Variants in ZNF442 observed in about 807,000 individuals in gnomAD.
ZNF442 encodes zinc finger protein 442.
A neutral mutation model predicts 57.0 loss-of-function variants in ZNF442; 45 were observed. The ratio of observed to expected loss-of-function variants is 0.79; its 90% CI spans 0.62 to 1.01. The LOEUF is 1.01. ZNF442 is among the 50% of genes least tolerant of loss of function. The pLI is 0.00. For synonymous variants in ZNF442, 213 were observed against 241.8 expected (o/e 0.88, Z 1.10); for missense variants, 690 against 756.5 (o/e 0.91, Z 1.03).
intron 4 of ZNF442, 82 bp from the exon 5 acceptor site, chr19:12,352,152 A>G (rs1969250265): frequency 7.5e-7 from 1 of 1,327,728 alleles, no homozygotes; most frequent in Non-Finnish European, 1.1e-6. Context: ...CAATGGAATC[A>G]TGCATGATTC....
intron 3 of ZNF442, among the ~76,000 whole-genome samples, chr19:12,355,603 C>T (rs1412307601): frequency 6.6e-6 from 1 of 150,762 alleles, no homozygotes; most frequent in Non-Finnish European, 1.5e-5. Flanking sequence ...TCGTGATCTG[C>T]CCGCCTCAGC....
upstream of ZNF442, among the ~76,000 whole-genome samples, chr19:12,369,892 T>G (rs1009653360): frequency 6.6e-6 from 1 of 151,126 alleles, no homozygotes; most frequent in African/African-American, 2.4e-5. Flanking sequence ...GCGACAAAGC[T>G]AGACTCCATC....
rs1204506438 is a variant in ZNF442 at position 12,346,310 on chromosome 19, A to C, written c.*3391T>G. ...ATTTTAAAACAAACTGGTTCAAAAA[A>C]TATATAAACAACCAACAAAAACAAA... On this transcript the variant is annotated 3_prime_UTR_variant, in exon 6 of 6. Transcript: ENST00000242804. 6.6e-6 allele frequency: 1 copy of C among 152,232 alleles called. No individual in the cohort carries two copies. The highest frequency in any genetic ancestry group is 1.5e-5 in the Non-Finnish European group (1 of 68,042). The allele number at this position is 152,232 out of a possible 1,614,324, so 9.4% of individuals were successfully genotyped here.
chr19:12,355,290 CAAA>C (rs1243882800), intron 3 of ZNF442, among the ~76,000 whole-genome samples: 5 of 55,666 alleles, frequency 9.0e-5, no homozygotes, highest in Admixed American at 2.1e-4. Context: ...GACTCCATCT[CAAA>C]AAAAAAAAAA....
intron 3 of ZNF442, among the ~76,000 whole-genome samples, chr19:12,356,163 T>A (rs1381255243): frequency 6.6e-6 from 1 of 151,306 alleles, no homozygotes; most frequent in Non-Finnish European, 1.5e-5. Context: ...GGGGCTGCAG[T>A]GAGCTGTGAT....
At position 12,350,801 on chromosome 19, in the gene ZNF442, C is replaced by T. The variant is rs1969217987; in HGVS notation, c.784G>A (p.Glu262Lys). ...CAGTGCTTGCATTCATATGGTTTCT[C>T]CCCAGTGTGTGTTCTTTCATGTCTT... ...YLRHERTHTG[E>K]KPYECKHCSK... The change falls in exon 6 of 6, where the codon GAG becomes AAG. Residue 262 changes from glutamate to lysine, a missense_variant. Transcript: ENST00000242804. 6.2e-7 allele frequency: 1 copy of T among 1,614,040 alleles called. No homozygotes were observed.
intron 3 of ZNF442, among the ~76,000 whole-genome samples, chr19:12,358,094 T>C (rs1022515368): frequency 6.6e-6 from 1 of 152,026 alleles, no homozygotes; most frequent in Admixed American, 6.6e-5. Context: ...CCCAAGTAGC[T>C]GGGATTACAG....
At chr19:12,362,454 G>A (rs907437263) in intron 3 of ZNF442, among the ~76,000 whole-genome samples, 7 of 146,362 alleles carry the variant, frequency 4.8e-5, no homozygotes, top group African/African-American at 1.8e-4. Flanking sequence ...CGGCCGCCCC[G>A]TCTGTGAAGT....
the ZNF442 span, among the ~76,000 whole-genome samples, chr19:12,373,433 T>C: frequency 6.6e-6 from 1 of 152,074 alleles, no homozygotes; most frequent in Non-Finnish European, 1.5e-5. Flanking sequence ...TCCCAGCTAC[T>C]TGGGAGGCTG....
intron 3 of ZNF442, among the ~76,000 whole-genome samples, chr19:12,355,308 A>G (rs1969309817): frequency 6.7e-6 from 1 of 149,988 alleles, no homozygotes. Flanking sequence ...AAAAAAAAAG[A>G]AAGACAAAAC....
chr19:12,365,764 G>GC (rs398033947), upstream of ZNF442: 47,089 of 175,556 alleles, frequency 0.27, 6,689 homozygotes, highest in African/African-American at 0.35. Flanking sequence ...TCCAAATTCC[G>GC]CCCCCCCAGG....
At chr19:12,372,929 A>G in the ZNF442 span, among the ~76,000 whole-genome samples, 1 of 152,140 alleles carries the variant, frequency 6.6e-6, no homozygotes, top group Non-Finnish European at 1.5e-5. Flanking sequence ...ACATGCCACC[A>G]TGCCCAGCTA....
At position 12,347,966 on chromosome 19, in the gene ZNF442, G is replaced by A. The variant is rs892450777; in HGVS notation, c.*1735C>T. The A allele has an allele frequency of 6.6e-6, 1 of 152,202 alleles. No individual in the cohort carries two copies. The highest frequency in any genetic ancestry group is 1.5e-5 in the Non-Finnish European group (1 of 68,042). The allele number at this position is 152,202 out of a possible 1,614,324, so 9.4% of individuals were successfully genotyped here. On this transcript the variant is annotated 3_prime_UTR_variant, in exon 6 of 6. Transcript: ENST00000242804. ...TAATGATGATGCAGAAGACTTAGAAGAGGTAATATCAAAGATGTGACACTT... is the reference window on the plus strand; with the variant it reads ...TAATGATGATGCAGAAGACTTAGAAAAGGTAATATCAAAGATGTGACACTT...
upstream of ZNF442, among the ~76,000 whole-genome samples, chr19:12,366,592 C>T (rs1457599855): frequency 6.6e-6 from 1 of 152,148 alleles, no homozygotes; most frequent in African/African-American, 2.4e-5. Flanking sequence ...ACTCCCTTTC[C>T]TTTCCCATAC....
In ZNF442 at chr19:12,363,603, C is replaced by G. The variant is rs1417498067; in HGVS notation, c.29G>C (p.Ser10Thr). The G allele has an allele frequency of 8.1e-6, 13 of 1,614,236 alleles. No homozygotes were observed. The highest frequency in any genetic ancestry group is 1.0e-5 in the Non-Finnish European group (12 of 1,180,034). The change falls in exon 3 of 6, where the codon AGT becomes ACT. Residue 10 changes from serine to threonine, a missense_variant. By Grantham distance (58) the Ser-to-Thr change is moderately conservative (BLOSUM62 1). Coordinates refer to ENST00000242804, the MANE Select transcript of ZNF442 (RefSeq NM_030824.3). ...CTGAGAGTCAGGAAGGAAGAGATCA[C>G]TTCTGTCTTCTCCCCCAAATACAAT... MIVFGGEDR[S>T]DLFLPDSQTN...
At chr19:12,353,250 G>C in intron 3 of ZNF442, 136 bp from the exon 4 acceptor site, 1 of 910,890 alleles carries the variant, frequency 1.1e-6, no homozygotes, top group East Asian at 2.8e-5. Flanking sequence ...CTTATTCTCT[G>C]TCTACAATCA....
intron 3 of ZNF442, among the ~76,000 whole-genome samples, chr19:12,354,257 C>T (rs936708446): frequency 6.6e-6 from 1 of 152,140 alleles, no homozygotes; most frequent in Non-Finnish European, 1.5e-5. Flanking sequence ...CAACAGGTTT[C>T]CTCTAGATCA....
chr19:12,355,820 T>G (rs1288427502), intron 3 of ZNF442, among the ~76,000 whole-genome samples: 2 of 151,504 alleles, frequency 1.3e-5, no homozygotes, highest in Middle Eastern at 3.2e-3. Context: ...ATACAAAAAT[T>G]TGTCCAGGAG....
At chr19:12,359,931 T>TCAC (rs2144835144) in intron 3 of ZNF442, among the ~76,000 whole-genome samples, 1 of 151,828 alleles carries the variant, frequency 6.6e-6, no homozygotes, top group Admixed American at 6.6e-5. Flanking sequence ...TGAGCTGAGA[T>TCAC]CACGCCACTG....
Sources: allele counts gnomAD v4.1 joint callset (sites outside exome capture counted in the v4.1 genomes callset), GRCh38; gene constraint gnomAD v4.1.1; transcripts MANE v1.5; gene names NCBI Gene and HGNC (gene_info 2026-07-23, HGNC 2026-07-21).